Variants in LIPC observed in about 807,000 individuals in gnomAD.
LIPC encodes hepatic triacylglycerol lipase.
A neutral mutation model predicts 50.7 loss-of-function variants in LIPC; 44 were observed. That is an observed-to-expected ratio of 0.87 (90% CI 0.68 to 1.11). The LOEUF (loss-of-function observed/expected upper bound fraction) is 1.11. LIPC is among the 50% of genes most tolerant of loss of function. The probability of loss-of-function intolerance (pLI) is 0.00; values close to 1 mark genes in which losing one functional copy is unlikely to be tolerated. For synonymous variants in LIPC, 271 were observed against 256.4 expected (o/e 1.06, Z -0.54); for missense variants, 697 against 648.2 (o/e 1.08, Z -0.82).
At chr15:58,508,239 G>A (rs565245935) in intron 1 of LIPC, among the ~76,000 whole-genome samples, 1 of 152,138 alleles carries the variant, frequency 6.6e-6, no homozygotes, top group East Asian at 1.9e-4. Flanking sequence ...TAGGGCCAAG[G>A]GTGGGGGGTA....
chr15:58,440,789 A>C (rs566176155), intron 1 of LIPC, among the ~76,000 whole-genome samples: 2 of 152,342 alleles, frequency 1.3e-5, no homozygotes, highest in East Asian at 3.9e-4. Flanking sequence ...AGTTTCCTTC[A>C]AGAAGTGGAA....
intron 7 of LIPC, among the ~76,000 whole-genome samples, chr15:58,561,443 A>C (rs1196928752): frequency 2.6e-5 from 4 of 152,210 alleles, no homozygotes; most frequent in Non-Finnish European, 5.9e-5. Flanking sequence ...GGATTAGATA[A>C]GGGGTTGTGG....
intron 1 of LIPC, among the ~76,000 whole-genome samples, chr15:58,508,277 G>T (rs1332399636): frequency 6.6e-6 from 1 of 152,020 alleles, no homozygotes; most frequent in Non-Finnish European, 1.5e-5. Flanking sequence ...AGACCCTGAG[G>T]CTCTTCTTAT....
chr15:58,433,277 ATTTG>A (rs1399714944), intron 1 of LIPC, among the ~76,000 whole-genome samples: 1 of 152,066 alleles, frequency 6.6e-6, no homozygotes, highest in Non-Finnish European at 1.5e-5. Context: ...GGAATGTTGT[ATTTG>A]TTTGTTTACT....
At chr15:58,539,031 C>T (rs762381446) in intron 2 of LIPC, among the ~76,000 whole-genome samples, 24 of 152,232 alleles carry the variant, frequency 1.6e-4, no homozygotes, top group Non-Finnish European at 2.9e-4. Flanking sequence ...CAGCTTTGGT[C>T]AGTGAAGTCC....
chr15:58,476,289 G>T (rs1319741549), intron 1 of LIPC, among the ~76,000 whole-genome samples: 1 of 152,240 alleles, frequency 6.6e-6, no homozygotes, highest in East Asian at 1.9e-4. Context: ...AGGTTTTTCA[G>T]GCACAGCCTG....
At chr15:58,460,802 G>C (rs1894319110) in intron 1 of LIPC, among the ~76,000 whole-genome samples, 1 of 152,214 alleles carries the variant, frequency 6.6e-6, no homozygotes, top group South Asian at 2.1e-4. Context: ...GGGAAGTCAG[G>C]AGACCCAGAG....
intron 1 of LIPC, among the ~76,000 whole-genome samples, chr15:58,465,751 G>A (rs1416708659): frequency 1.3e-5 from 2 of 152,190 alleles, no homozygotes; most frequent in African/African-American, 4.8e-5. Flanking sequence ...TGGGAAGATA[G>A]AGTCCAAGAG....
intron 1 of LIPC, among the ~76,000 whole-genome samples, chr15:58,476,659 C>T (rs1185043866): frequency 6.6e-6 from 1 of 152,214 alleles, no homozygotes; most frequent in African/African-American, 2.4e-5. Flanking sequence ...ACAGAAAAAA[C>T]GTGAGGTGTG....
At chr15:58,516,406 T>C (rs1219411175) in intron 1 of LIPC, among the ~76,000 whole-genome samples, 3 of 152,126 alleles carry the variant, frequency 2.0e-5, no homozygotes, top group African/African-American at 7.2e-5. Context: ...CATTATTATT[T>C]CTTTAAGCAT....
intron 1 of LIPC, among the ~76,000 whole-genome samples, chr15:58,517,912 AG>A (rs1892533315): frequency 6.6e-6 from 1 of 152,234 alleles, no homozygotes; most frequent in African/African-American, 2.4e-5. Flanking sequence ...GATCTCAACA[AG>A]GTCAGACAGC....
chr15:58,454,074 AG>A (rs1209553183), intron 1 of LIPC, among the ~76,000 whole-genome samples: 2 of 152,200 alleles, frequency 1.3e-5, no homozygotes, highest in Non-Finnish European at 2.9e-5. Flanking sequence ...GACAAGCCCA[AG>A]GTCACACATG....
At chr15:58,445,014 G>C (rs1264234697) in intron 1 of LIPC, among the ~76,000 whole-genome samples, 1 of 152,250 alleles carries the variant, frequency 6.6e-6, no homozygotes, top group Non-Finnish European at 1.5e-5. Flanking sequence ...GGCCCAGACA[G>C]GGGGCCTGTG....
chr15:58,490,307 T>A (rs998281194), intron 1 of LIPC, among the ~76,000 whole-genome samples: 1 of 152,152 alleles, frequency 6.6e-6, no homozygotes, highest in Non-Finnish European at 1.5e-5. Context: ...GTCACCTCCA[T>A]AAGGACAGCC....
intron 3 of LIPC, 77 bp from the exon 4 acceptor site, chr15:58,542,457 G>A (rs371976094): frequency 7.6e-6 from 7 of 919,854 alleles, no homozygotes; most frequent in East Asian, 4.8e-5. Flanking sequence ...CAGGGTGGGC[G>A]CCACAACACA....
chr15:58,436,410 T>A (rs1893297579), intron 1 of LIPC: 1 of 247,362 alleles, frequency 4.0e-6, no homozygotes, highest in African/African-American at 2.3e-5. Context: ...TTGTAACATC[T>A]TGTTTGATAG....
At chr15:58,517,325 G>A (rs902527530) in intron 1 of LIPC, among the ~76,000 whole-genome samples, 25 of 152,224 alleles carry the variant, frequency 1.6e-4, no homozygotes, top group Admixed American at 3.3e-4. Context: ...TCCACTATGT[G>A]GCACAGCACA....
Position 58,563,680 on chromosome 15 carries a change from G to C in LIPC, c.1345G>C (p.Val449Leu). 6.2e-7 allele frequency: 1 copy of C among 1,613,880 alleles called. No homozygotes were observed. Among genetic ancestry groups the C allele is most frequent in the Non-Finnish European group, 8.5e-7 (1 of 1,180,038 alleles). The change falls in exon 8 of 9, where the codon GTT (valine) becomes CTT (leucine). Residue 449 changes from valine (V) to leucine (L), a missense_variant. Val to Leu is a conservative substitution (Grantham distance 32). Coordinates refer to ENST00000299022, the MANE Select transcript of LIPC (RefSeq NM_000236.3). ...CACAGGGCCGCGCCACTCAGGCCTC[G>C]TTCTGAAGACGATCAGAGTCAAAGC... ...WSTGPRHSGL[V>L]LKTIRVKAGE...
rs138079778 is a variant in LIPC, at chr15:58,489,569, A to G, written c.89-48764A>G. Among the ~76,000 whole-genome samples, 5 of 152,322 alleles carry G rather than the reference A, an allele frequency of 3.3e-5. No homozygotes were observed. The East Asian group carries it at 7.7e-4, about 23-fold the overall frequency. On this transcript the variant is annotated intron_variant, in intron 1 of 8. Coordinates refer to ENST00000299022, the MANE Select transcript of LIPC (RefSeq NM_000236.3). Reference sequence around the variant, plus strand: ...TGGGGGCCCCAAGACTGGCTGAGTCATGAGCCTCAAGTCCGGATGTAGTCA... The same window carrying G: ...TGGGGGCCCCAAGACTGGCTGAGTCGTGAGCCTCAAGTCCGGATGTAGTCA...
Sources: gnomAD v4.1 joint callset for allele counts (sites outside exome capture counted in the v4.1 genomes callset) on GRCh38, gnomAD v4.1.1 for gene constraint, MANE v1.5 for transcripts, NCBI Gene and HGNC (gene_info 2026-07-23, HGNC 2026-07-21) for gene names.